The following PER3 variants were observed in gnomAD, a reference collection of about 807,000 sequenced individuals.
PER3 encodes the protein period circadian regulator 3.
PER3 carries 107 observed loss-of-function variants against 127.2 expected under a neutral mutation model. That is an observed-to-expected ratio of 0.84 (90% CI 0.72 to 0.99). The LOEUF is 0.99. Among genes scored for constraint, PER3 ranks in the 50% least tolerant of loss-of-function variants. PER3 has a pLI of 0.00. For missense variants in PER3, 1,560 were observed against 1,525.8 expected (o/e 1.02, Z -0.37); for synonymous variants, 618 against 585.8 (o/e 1.05, Z -0.79).
intron 16 of PER3, among the ~76,000 whole-genome samples, chr1:7,825,232 A>G (rs2097296084): frequency 1.3e-5 from 2 of 152,082 alleles, no homozygotes; most frequent in African/African-American, 4.8e-5. Flanking sequence ...AGCCCTCTAC[A>G]GTGTCCACCA....
In PER3 at chr1:7,826,748, G is replaced by A. The variant is rs763716984; in HGVS notation, c.2188+38G>A. On this transcript the variant is annotated intron_variant, in intron 17 of 21. Transcript: ENST00000377532. This position sits in a 1 kb window ranked among gnomAD's most constrained non-coding sequence, Gnocchi z 4.2. ...TTAAAAATAAATGCCATTAATCTATGTAAATGTTACAAACTGTATCTAAGG... is the reference window on the plus strand; with the variant it reads ...TTAAAAATAAATGCCATTAATCTATATAAATGTTACAAACTGTATCTAAGG... The A allele has an allele frequency of 2.4e-6, 3 of 1,233,210 alleles. No individual in the cohort carries two copies. Among genetic ancestry groups the A allele is most frequent in the South Asian group, 2.5e-5 (2 of 80,916 alleles). The allele number at this position is 1,233,210 out of a possible 1,614,324, so 76.4% of individuals were successfully genotyped here. A position where few individuals can be genotyped will look rare whatever the true frequency, so the allele number is the denominator to read the frequency against.
At chr1:7,791,631 T>C (rs1232616671) in intron 5 of PER3, among the ~76,000 whole-genome samples, 1 of 152,182 alleles carries the variant, frequency 6.6e-6, no homozygotes, top group African/African-American at 2.4e-5. Context: ...CCCCAGAAAA[T>C]GGGTTTTTCT....
chr1:7,793,593 C>T (rs2097131508), intron 5 of PER3, among the ~76,000 whole-genome samples: 1 of 152,090 alleles, frequency 6.6e-6, no homozygotes, highest in Admixed American at 6.5e-5. Flanking sequence ...TAGAAAGGTC[C>T]AGACTATTAC....
chr1:7,803,461 G>A (rs985528302), intron 9 of PER3, among the ~76,000 whole-genome samples: 14 of 151,208 alleles, frequency 9.3e-5, no homozygotes, highest in African/African-American at 2.9e-4. Flanking sequence ...GGTGGTGCAC[G>A]CCTGTAATCT....
chr1:7,806,224 C>T (rs758507198), intron 10 of PER3, among the ~76,000 whole-genome samples: 8 of 152,132 alleles, frequency 5.3e-5, no homozygotes, highest in African/African-American at 9.7e-5. Flanking sequence ...GTATCTCTCT[C>T]AGTCCTTCCC....
chr1:7,812,217 T>C lies in PER3; in HGVS notation c.1522+1629T>C, dbSNP rs374371304. ...ATAGCTTCCCTTCTCACTTGCTGCA[T>C]TATTCAGTTTCTTATCATCGACCAT... On this transcript the variant is annotated intron_variant, in intron 13 of 21. Coordinates refer to ENST00000377532, the MANE Select transcript of PER3 (RefSeq NM_001377275.1). 1.6e-4 allele frequency among the ~76,000 whole-genome samples: 24 copies of C among 152,284 alleles called. 2 individuals are homozygous for C. Among genetic ancestry groups the C allele is most frequent in the Admixed American group, 5.2e-4 (8 of 15,296 alleles).
intron 19 of PER3, among the ~76,000 whole-genome samples, 179 bp from the exon 20 acceptor site, chr1:7,835,583 A>G (rs1021343938): frequency 2.6e-5 from 4 of 152,190 alleles, no homozygotes; most frequent in African/African-American, 4.8e-5. Flanking sequence ...GGAAAAAGAG[A>G]TCTCAGGAAG....
chr1:7,798,757 A>G (rs1384808116), intron 7 of PER3, 84 bp downstream of exon 7: 7 of 1,144,350 alleles, frequency 6.1e-6, no homozygotes, highest in East Asian at 2.4e-5. Flanking sequence ...TAGAACAACA[A>G]AAAGAGCTCT....
At chr1:7,829,571 G>A (rs1397849791) in intron 18 of PER3, among the ~76,000 whole-genome samples, 1 of 152,216 alleles carries the variant, frequency 6.6e-6, no homozygotes, top group Non-Finnish European at 1.5e-5. Flanking sequence ...CGGCTACTGA[G>A]TGTGGAGGTG....
rs779030849 is a variant in PER3 at position 7,793,961 on chromosome 1, T to C, written c.597T>C (p.Ala199=). The change falls in exon 6 of 22, where the codon GCT becomes GCC. Residue 199 remains alanine, a synonymous_variant. Transcript: ENST00000377532. ...ACCAGGCATCTTTCTTTCTAGCAGC[T>C]GCACGGTATGAATGTGCTCCGGTGA... The part of the protein sequence containing the change: ...PFWNNWTQRA[A]ARYECAPVKP... The C allele has an allele frequency of 1.9e-6, 3 of 1,613,998 alleles. No homozygotes were observed. The highest frequency in any genetic ancestry group is 2.2e-5 in the East Asian group (1 of 44,888).
At chr1:7,818,324 T>C (rs2097260644) in intron 13 of PER3, among the ~76,000 whole-genome samples, 2 of 151,932 alleles carry the variant, frequency 1.3e-5, no homozygotes, top group African/African-American at 4.9e-5. Flanking sequence ...ATTTCAAAAT[T>C]AAAAGTTAAA....
At chr1:7,830,703 C>T (rs2097327605) in intron 19 of PER3, among the ~76,000 whole-genome samples, 2 of 152,200 alleles carry the variant, frequency 1.3e-5, no homozygotes, top group Admixed American at 6.5e-5. Flanking sequence ...GGATATCTAA[C>T]TGTTCCTGCC....
At chr1:7,799,175 A>T (rs1461386633) in intron 7 of PER3, among the ~76,000 whole-genome samples, 1 of 152,240 alleles carries the variant, frequency 6.6e-6, no homozygotes, top group East Asian at 1.9e-4. Context: ...GTAAAATGAC[A>T]TATGCTTTCC....
chr1:7,843,891 C>CT lies in PER3; in HGVS notation c.*1141dup, dbSNP rs567650539. 1.3e-5 allele frequency: 16 copies of CT among 1,259,694 alleles called. No individual in the cohort carries two copies. The East Asian group carries it at 7.2e-4, about 56-fold the overall frequency. The allele number at this position is 1,259,694 out of a possible 1,614,324, so 78.0% of individuals were successfully genotyped here. ...TGATAAATCAGCTCACTCTCTGGTG[C>CT]TTTTTAGAGAAGTCCCTGATTCCTT... On this transcript the variant is annotated 3_prime_UTR_variant, in exon 22 of 22. Transcript: ENST00000377532.
intron 6 of PER3, among the ~76,000 whole-genome samples, chr1:7,794,452 C>T (rs534720083): frequency 6.6e-6 from 1 of 151,992 alleles, no homozygotes; most frequent in South Asian, 2.1e-4. Context: ...GAGATGGCGC[C>T]ATTGCACTCC....
At chr1:7,815,892 C>T (rs2097247166) in intron 13 of PER3, among the ~76,000 whole-genome samples, 1 of 146,060 alleles carries the variant, frequency 6.8e-6, no homozygotes, top group Non-Finnish European at 1.5e-5. Context: ...ACTCAGGAGG[C>T]TGAGGCAGGA....
chr1:7,801,124 C>A lies in PER3; in HGVS notation c.805C>A (p.Pro269Thr). 1 of 1,604,032 alleles carries A rather than the reference C, an allele frequency of 6.2e-7. No homozygotes were observed. Among genetic ancestry groups the A allele is most frequent in the Non-Finnish European group, 8.5e-7 (1 of 1,173,858 alleles). Residue 269 changes from proline to threonine, a missense_variant, in exon 8 of 22, where the codon CCA (proline) becomes ACA (threonine). Coordinates refer to ENST00000377532, the MANE Select transcript of PER3 (RefSeq NM_001377275.1). ...TTTTTTTTCCTTAGCTCCTCGGATC[C>A]CAGTGAATAAAAGAATCTTCACCAC... ...IHSGYEAPRIPVNKRIFTTTH... is the reference protein window; with the variant it reads ...IHSGYEAPRITVNKRIFTTTH...
chr1:7,813,599 A>C (rs1258460855), intron 13 of PER3, among the ~76,000 whole-genome samples: 1 of 152,182 alleles, frequency 6.6e-6, no homozygotes, highest in African/African-American at 2.4e-5. Flanking sequence ...AAACAAAAAA[A>C]TTACCCACCA....
At chr1:7,839,162 ATCAC>A (rs1350168878) in intron 21 of PER3, among the ~76,000 whole-genome samples, 1 of 152,204 alleles carries the variant, frequency 6.6e-6, no homozygotes. Context: ...ATTCTAACAT[ATCAC>A]TCCAGTGTGT....
Sources: gnomAD v4.1 joint callset for allele counts (sites outside exome capture counted in the v4.1 genomes callset) on GRCh38, gnomAD v4.1.1 for gene constraint, Gnocchi (gnomAD v3.1) non-coding constraint, MANE v1.5 for transcripts, NCBI Gene and HGNC (gene_info 2026-07-23, HGNC 2026-07-21) for gene names.